The following PCBD2 variants were observed in gnomAD, a reference collection of about 807,000 sequenced individuals.
PCBD2 encodes pterin-4-alpha-carbinolamine dehydratase 2.
In PCBD2, 12 loss-of-function variants were observed where a neutral mutation model predicts 16.4. The observed-to-expected ratio is 0.73, with a 90% confidence interval of 0.47 to 1.19. The LOEUF is 1.19. Among genes scored for constraint, PCBD2 ranks in the 50% most tolerant of loss-of-function variants. The pLI is 0.00. For synonymous variants in PCBD2, 58 were observed against 61.8 expected, an observed-to-expected ratio of 0.94 and a Z score of 0.29; for missense variants, 138 against 156.8, an observed-to-expected ratio of 0.88 and a Z score of 0.64.
At chr5:134,928,144 G>A (rs78844942) in intron 2 of PCBD2, 5 of 391,382 alleles carry the variant, frequency 1.3e-5, no homozygotes, top group South Asian at 1.3e-4. Context: ...CTAGTATGGC[G>A]ATAGGTACAA....
At position 134,937,511 on chromosome 5, in the gene PCBD2, G is replaced by A. The variant is rs187197901; in HGVS notation, c.217-21529G>A. On this transcript the variant is annotated intron_variant, in intron 2 of 3. Transcript: ENST00000254908. ...GCAAAGAAGAAAGTTACAATACATT[G>A]CCTATTTACCAATTAACCATTACCT... Among the ~76,000 whole-genome samples the A allele has an allele frequency of 2.9e-3, 438 of 152,316 alleles. 3 individuals are homozygous for A. Among genetic ancestry groups the A allele is most frequent in the Middle Eastern group, 6.8e-3 (2 of 294 alleles).
chr5:134,911,001 T>A (rs1489867639), intron 2 of PCBD2, among the ~76,000 whole-genome samples: 1 of 152,210 alleles, frequency 6.6e-6, no homozygotes, highest in Non-Finnish European at 1.5e-5. Context: ...TTGCCCAGAC[T>A]GGTCTCAAAT....
In PCBD2 at chr5:134,910,426, A is replaced by T; in HGVS notation, c.176A>T (p.Asp59Val). ...AAGWSELSER[D>V]AIYKEFSFHN... ...GGATGGTCGGAATTAAGTGAGAGAGATGCCATCTACAAAGAATTCTCCTTC... is the reference window on the plus strand; with the variant it reads ...GGATGGTCGGAATTAAGTGAGAGAGTTGCCATCTACAAAGAATTCTCCTTC... Residue 59 changes from aspartate (D) to valine (V), a missense_variant, in exon 2 of 4, where the codon GAT becomes GTT. Transcript: ENST00000254908. 6.2e-7 allele frequency: 1 copy of T among 1,614,160 alleles called. No individual in the cohort carries two copies. Among genetic ancestry groups the T allele is most frequent in the Non-Finnish European group, 8.5e-7 (1 of 1,179,972 alleles).
chr5:134,915,436 ATTTTTTT>A (rs760173801), intron 2 of PCBD2, among the ~76,000 whole-genome samples: 7 of 114,216 alleles, frequency 6.1e-5, no homozygotes, highest in East Asian at 2.5e-4. Flanking sequence ...TGGGCCTCTA[ATTTTTTT>A]TTTTTTTTTT....
At chr5:134,919,857 C>T (rs759041702) in intron 2 of PCBD2, among the ~76,000 whole-genome samples, 1 of 152,192 alleles carries the variant, frequency 6.6e-6, no homozygotes, top group Non-Finnish European at 1.5e-5. Flanking sequence ...CAATAGCTTT[C>T]GGGTTTGCAC....
intron 2 of PCBD2, among the ~76,000 whole-genome samples, chr5:134,939,859 GA>G (rs1290415438): frequency 1.3e-5 from 2 of 151,948 alleles, no homozygotes; most frequent in African/African-American, 4.8e-5. Context: ...CAACCACCAT[GA>G]AAAACCAGCC....
At chr5:134,936,919 T>C (rs1049113666) in intron 2 of PCBD2, among the ~76,000 whole-genome samples, 1 of 152,194 alleles carries the variant, frequency 6.6e-6, no homozygotes, top group Non-Finnish European at 1.5e-5. Context: ...CATTGCCAGA[T>C]TTTGTCACTC....
intron 2 of PCBD2, among the ~76,000 whole-genome samples, chr5:134,951,947 CCTGT>C (rs974856571): frequency 5.9e-5 from 9 of 151,686 alleles, no homozygotes; most frequent in Admixed American, 5.9e-4. Context: ...ATTTTTTTTG[CCTGT>C]CTTCTTCCTG....
At chr5:134,948,528 C>T (rs982113194) in intron 2 of PCBD2, among the ~76,000 whole-genome samples, 1 of 152,062 alleles carries the variant, frequency 6.6e-6, no homozygotes, top group Non-Finnish European at 1.5e-5. Context: ...TTTTCCTAGC[C>T]TGGGAATTCA....
At chr5:134,910,234 C>A in intron 1 of PCBD2, 101 bp from the exon 2 acceptor site, 1 of 1,267,946 alleles carries the variant, frequency 7.9e-7, no homozygotes, top group East Asian at 2.4e-5. Flanking sequence ...GAATTTGTTG[C>A]CTTTCAGACT....
At position 134,927,257 on chromosome 5, in the gene PCBD2, G is replaced by A. The variant is rs1261745054; in HGVS notation, c.216+16791G>A. 74 of 398,364 alleles carry A rather than the reference G, an allele frequency of 1.9e-4. No individual in the cohort carries two copies. The East Asian group carries it at 2.5e-3, about 13-fold the overall frequency. 24.7% of individuals were successfully genotyped at this position (398,364 alleles called of 1,614,324 possible). A position where few individuals can be genotyped will look rare whatever the true frequency, so the allele number is the denominator to read the frequency against. ...TGCCTCACAGGGATAGTACAAGGAA[G>A]GGGTAGGCTATATGTTTTGTCAGGG... On this transcript the variant is annotated intron_variant, in intron 2 of 3. Transcript: ENST00000254908.
chr5:134,923,899 G>A (rs1002191874), intron 2 of PCBD2: 18 of 394,456 alleles, frequency 4.6e-5, no homozygotes, highest in Non-Finnish European at 8.1e-5. Context: ...TGTATGGCTA[G>A]GAATAGTCCT....
At chr5:134,947,171 C>T (rs1482031806) in intron 2 of PCBD2, among the ~76,000 whole-genome samples, 2 of 151,346 alleles carry the variant, frequency 1.3e-5, no homozygotes, top group Non-Finnish European at 2.9e-5. Flanking sequence ...TGGCTCATTG[C>T]AATCCCTGCC....
chr5:134,917,551 T>G (rs1157646502), intron 2 of PCBD2, among the ~76,000 whole-genome samples: 2 of 152,214 alleles, frequency 1.3e-5, no homozygotes, highest in African/African-American at 4.8e-5. Context: ...TGTCTGTGCT[T>G]TCTTCGGTGG....
At chr5:134,955,883 A>G (rs1751409587) in intron 2 of PCBD2, among the ~76,000 whole-genome samples, 1 of 152,208 alleles carries the variant, frequency 6.6e-6, no homozygotes, top group African/African-American at 2.4e-5. Context: ...GATGCTTTTC[A>G]CCATCTGCTA....
intron 2 of PCBD2, among the ~76,000 whole-genome samples, chr5:134,920,589 A>G (rs1017138285): frequency 6.6e-5 from 10 of 152,036 alleles, no homozygotes; most frequent in African/African-American, 1.9e-4. Context: ...AATCAATCCT[A>G]TCAAAACAGC....
intron 2 of PCBD2, among the ~76,000 whole-genome samples, chr5:134,932,362 G>C (rs1177718181): frequency 6.6e-6 from 1 of 151,210 alleles, no homozygotes; most frequent in Non-Finnish European, 1.5e-5. Context: ...TTTTATTTGA[G>C]TTGTAGTCTT....
chr5:134,908,891 A>G (rs1272957667), intron 1 of PCBD2: 1 of 152,172 alleles, frequency 6.6e-6, no homozygotes, highest in African/African-American at 2.4e-5. Context: ...CAGAGAATCC[A>G]GGGAATGCAG....
chr5:134,953,679 T>C (rs1751384282), intron 2 of PCBD2, among the ~76,000 whole-genome samples: 1 of 152,046 alleles, frequency 6.6e-6, no homozygotes, highest in Non-Finnish European at 1.5e-5. Flanking sequence ...CACGTGCCTA[T>C]AGTCCTAGCT....
Sources: gnomAD v4.1 joint callset for allele counts (sites outside exome capture counted in the v4.1 genomes callset) on GRCh38, gnomAD v4.1.1 for gene constraint, MANE v1.5 for transcripts, NCBI Gene and HGNC (gene_info 2026-07-23, HGNC 2026-07-21) for gene names.